Variants in PDE7B observed in about 807,000 individuals in gnomAD.
PDE7B encodes the protein phosphodiesterase 7B.
A neutral mutation model predicts 56.2 loss-of-function variants in PDE7B; 29 were observed. The ratio of observed to expected loss-of-function variants is 0.52; its 90% confidence interval spans 0.38 to 0.70. PDE7B has a LOEUF of 0.70. PDE7B is among the 30% of genes least tolerant of loss of function. The probability of loss-of-function intolerance (pLI) is 0.00; values close to 1 mark genes in which losing one functional copy is unlikely to be tolerated. For synonymous variants in PDE7B, 197 were observed against 196.9 expected, an observed-to-expected ratio of 1.00 and a Z score of 0.00; for missense variants, 490 against 565.0, an observed-to-expected ratio of 0.87 and a Z score of 1.35.
At chr6:136,166,556 G>A (rs955129069) in intron 8 of PDE7B, among the ~76,000 whole-genome samples, 19 of 152,106 alleles carry the variant, frequency 1.2e-4, no homozygotes, top group African/African-American at 1.7e-4. Context: ...GCTAGAGCAG[G>A]AGCAAGAGAG....
At chr6:135,991,364 C>A (rs1447774127) in intron 2 of PDE7B, among the ~76,000 whole-genome samples, 2 of 152,052 alleles carry the variant, frequency 1.3e-5, no homozygotes, top group African/African-American at 4.8e-5. Flanking sequence ...GGTCCTTCCA[C>A]AATTAATACA....
intron 10 of PDE7B, among the ~76,000 whole-genome samples, chr6:136,180,352 A>C (rs1779042669): frequency 1.3e-5 from 2 of 152,242 alleles, no homozygotes; most frequent in African/African-American, 4.8e-5. Flanking sequence ...ATTTCGAAAG[A>C]AAGCCTTGCT....
intron 2 of PDE7B, among the ~76,000 whole-genome samples, chr6:136,002,513 A>G (rs961298473): frequency 4.6e-5 from 7 of 152,234 alleles, no homozygotes; most frequent in Non-Finnish European, 1.0e-4. Context: ...AAGATCTACC[A>G]AGCAAATGGA....
At chr6:136,154,537 T>A (rs770955314) in intron 7 of PDE7B, among the ~76,000 whole-genome samples, 1 of 152,136 alleles carries the variant, frequency 6.6e-6, no homozygotes, top group Non-Finnish European at 1.5e-5. Flanking sequence ...TTGAACTTTG[T>A]TGGGAAAAGT....
intron 2 of PDE7B, among the ~76,000 whole-genome samples, chr6:136,019,005 C>T (rs572686535): frequency 1.3e-5 from 2 of 152,094 alleles, no homozygotes; most frequent in South Asian, 4.2e-4. Context: ...TGGCCACCCA[C>T]CCAGCTCAGA....
intron 1 of PDE7B, among the ~76,000 whole-genome samples, chr6:135,867,040 C>T (rs547008839): frequency 2.1e-3 from 324 of 152,164 alleles, no homozygotes; most frequent in African/African-American, 7.4e-3. Flanking sequence ...GGGGATCTTT[C>T]GAGCACAGGT....
intron 3 of PDE7B, among the ~76,000 whole-genome samples, chr6:136,125,129 C>T (rs1056298279): frequency 6.6e-6 from 1 of 152,130 alleles, no homozygotes. Flanking sequence ...TTTCCCAAAG[C>T]GTGGTATGGG....
chr6:136,118,295 C>A (rs192106927), intron 3 of PDE7B, among the ~76,000 whole-genome samples: 3 of 152,290 alleles, frequency 2.0e-5, no homozygotes, highest in East Asian at 3.9e-4. Flanking sequence ...CTACATCTCC[C>A]AGAAAGCATT....
At chr6:135,853,909 T>C (rs1472706970) in intron 1 of PDE7B, among the ~76,000 whole-genome samples, 1 of 152,168 alleles carries the variant, frequency 6.6e-6, no homozygotes, top group Non-Finnish European at 1.5e-5. Context: ...TGCCTAGAAT[T>C]TACTACCTTT....
At chr6:136,019,204 G>C (rs1030392326) in intron 2 of PDE7B, among the ~76,000 whole-genome samples, 2 of 152,132 alleles carry the variant, frequency 1.3e-5, no homozygotes, top group East Asian at 1.9e-4. Flanking sequence ...AACCAAGCAA[G>C]ATTAATAAAC....
At chr6:135,905,893 T>G (rs560658751) in intron 1 of PDE7B, among the ~76,000 whole-genome samples, 4 of 152,024 alleles carry the variant, frequency 2.6e-5, no homozygotes, top group African/African-American at 9.7e-5. Flanking sequence ...TTTTGCTGGA[T>G]TGTTTGAGGA....
At chr6:136,164,251 G>A (rs1778757606) in intron 8 of PDE7B, among the ~76,000 whole-genome samples, 1 of 152,110 alleles carries the variant, frequency 6.6e-6, no homozygotes, top group East Asian at 1.9e-4. Context: ...GAAGTGCCAA[G>A]CCAAGGGGAT....
intron 3 of PDE7B, among the ~76,000 whole-genome samples, chr6:136,125,745 C>A (rs2128443932): frequency 6.6e-6 from 1 of 152,200 alleles, no homozygotes; most frequent in Non-Finnish European, 1.5e-5. Flanking sequence ...CTACTTGGAG[C>A]AGTGAGACTC....
chr6:136,145,096 T>A (rs1778391976), intron 3 of PDE7B, among the ~76,000 whole-genome samples: 1 of 152,136 alleles, frequency 6.6e-6, no homozygotes. Flanking sequence ...CATTACCATA[T>A]CGGCTGCAAA....
intron 1 of PDE7B, among the ~76,000 whole-genome samples, chr6:135,926,005 A>G (rs879761076): frequency 1.4e-5 from 2 of 146,238 alleles, no homozygotes; most frequent in Non-Finnish European, 3.0e-5. Flanking sequence ...AATTGGTTAT[A>G]TAAGTTTTAC....
intron 3 of PDE7B, among the ~76,000 whole-genome samples, chr6:136,130,783 T>G (rs1162444276): frequency 6.6e-6 from 1 of 152,162 alleles, no homozygotes; most frequent in Non-Finnish European, 1.5e-5. Context: ...GACTCAGTTC[T>G]ACATGGCTGG....
Position 136,182,566 on chromosome 6 carries a change from G to C in PDE7B, c.1045+1243G>C, listed in dbSNP as rs1459706439. The stretch of plus-strand genomic sequence containing the variant: ...AGTCTACTCTAGCCCACTTGGTTTT[G>C]ACTCAATCATGCCCAGCATGATTAA... On this transcript the variant is annotated intron_variant, in intron 11 of 12. Coordinates refer to ENST00000308191, the MANE Select transcript of PDE7B (RefSeq NM_018945.4). Among the ~76,000 whole-genome samples the C allele has an allele frequency of 2.6e-5, 4 of 152,186 alleles. No individual in the cohort carries two copies. In the East Asian group the frequency reaches 7.7e-4, roughly 29 times the overall value.
At position 136,169,210 on chromosome 6, in the gene PDE7B, G is replaced by C. The variant is rs571256770; in HGVS notation, c.712-4587G>C. 8.5e-5 allele frequency among the ~76,000 whole-genome samples: 13 copies of C among 152,230 alleles called. No homozygotes were observed. In the South Asian group the frequency reaches 1.0e-3, roughly 12 times the overall value. ...CAGAGTTGGTGTTTGATAAATGTTAGTCTCTCCTCTCTATGCTGTTCTTCT... is the reference window on the plus strand; with the variant it reads ...CAGAGTTGGTGTTTGATAAATGTTACTCTCTCCTCTCTATGCTGTTCTTCT... On this transcript the variant is annotated intron_variant, in intron 8 of 12. Coordinates refer to ENST00000308191, the MANE Select transcript of PDE7B (RefSeq NM_018945.4).
At chr6:135,935,172 TTATATATATATATTTATTTATATATATA>T (rs1774392234) in intron 1 of PDE7B, among the ~76,000 whole-genome samples, 1 of 51,160 alleles carries the variant, frequency 2.0e-5, no homozygotes, top group Admixed American at 2.8e-4. Flanking sequence ...ACAGAGAATT[TTATATATATATATTTATTTATATATATA>T]TATATATATA....
Sources: gnomAD v4.1 joint callset for allele counts (sites outside exome capture counted in the v4.1 genomes callset) on GRCh38, gnomAD v4.1.1 for gene constraint, MANE v1.5 for transcripts, NCBI Gene and HGNC (gene_info 2026-07-23, HGNC 2026-07-21) for gene names.